Variants in SLC39A11 observed in about 807,000 individuals in gnomAD.
The protein encoded by SLC39A11 is zinc transporter ZIP11.
In SLC39A11, 33 loss-of-function variants were observed where a neutral mutation model predicts 36.1. The ratio of observed to expected loss-of-function variants is 0.91; its 90% CI spans 0.69 to 1.22. The LOEUF (loss-of-function observed/expected upper bound fraction) is 1.22, where lower values mean the gene tolerates loss of function less well. SLC39A11 is among the 50% of genes most tolerant of loss of function. SLC39A11 has a pLI of 0.00. For missense variants in SLC39A11, 432 were observed against 430.3 expected, an observed-to-expected ratio of 1.00 and a Z score of -0.03; for synonymous variants, 166 against 170.3, an observed-to-expected ratio of 0.97 and a Z score of 0.20.
At chr17:72,939,144 T>C (rs1342434712) in intron 5 of SLC39A11, among the ~76,000 whole-genome samples, 6 of 152,128 alleles carry the variant, frequency 3.9e-5, no homozygotes, top group Non-Finnish European at 8.8e-5. Context: ...CCAAAATTCA[T>C]GTCTAGCCAG....
At chr17:73,023,817 G>T (rs1020558108) in intron 4 of SLC39A11, among the ~76,000 whole-genome samples, 1 of 152,150 alleles carries the variant, frequency 6.6e-6, no homozygotes, top group Non-Finnish European at 1.5e-5. Flanking sequence ...GGTGGGCCTT[G>T]GTCCAATGTG....
chr17:72,955,396 G>A (rs1013797351), intron 4 of SLC39A11, among the ~76,000 whole-genome samples: 17 of 143,758 alleles, frequency 1.2e-4, no homozygotes, highest in African/African-American at 3.9e-4. Flanking sequence ...TCTGTCTCAC[G>A]GGTTCAAGCA....
intron 3 of SLC39A11, among the ~76,000 whole-genome samples, chr17:73,042,625 A>G (rs2059147545): frequency 6.6e-6 from 1 of 152,052 alleles, no homozygotes. Context: ...ACGTGGTGAA[A>G]CCCCATCTCT....
intron 5 of SLC39A11, among the ~76,000 whole-genome samples, chr17:72,868,118 A>T (rs1329111959): frequency 6.6e-6 from 1 of 152,232 alleles, no homozygotes; most frequent in Non-Finnish European, 1.5e-5. Flanking sequence ...CAATTCATGA[A>T]TCGTTCGCTG....
At chr17:72,897,594 G>C (rs77977193) in intron 5 of SLC39A11, among the ~76,000 whole-genome samples, 2 of 152,200 alleles carry the variant, frequency 1.3e-5, no homozygotes, top group Admixed American at 6.5e-5. Context: ...GGGATGAGCT[G>C]AGTTTGAAGA....
At chr17:72,687,318 C>T (rs985681108) in intron 7 of SLC39A11, among the ~76,000 whole-genome samples, 7 of 152,028 alleles carry the variant, frequency 4.6e-5, no homozygotes, top group Non-Finnish European at 1.0e-4. Context: ...TGCGATGGTG[C>T]GATCTCGGCT....
At chr17:73,040,390 G>A (rs2143464295) in intron 3 of SLC39A11, among the ~76,000 whole-genome samples, 1 of 152,308 alleles carries the variant, frequency 6.6e-6, no homozygotes, top group South Asian at 2.1e-4. Flanking sequence ...TCCCTCTGCT[G>A]TAAATTACAC....
intron 5 of SLC39A11, among the ~76,000 whole-genome samples, chr17:72,850,964 GT>G (rs1236446189): frequency 6.6e-5 from 10 of 152,048 alleles, no homozygotes; most frequent in Non-Finnish European, 1.3e-4. Flanking sequence ...CCACTCCAAC[GT>G]GCAAGCTAAA....
chr17:72,793,669 A>G (rs1344444120), intron 6 of SLC39A11, among the ~76,000 whole-genome samples: 2 of 152,168 alleles, frequency 1.3e-5, no homozygotes, highest in African/African-American at 4.8e-5. Context: ...GCCTCAAGCA[A>G]TATTCCTGCC....
chr17:72,716,829 C>T lies in SLC39A11; in HGVS notation c.671+19821G>A, dbSNP rs981793976. The stretch of plus-strand genomic sequence containing the variant: ...ACAAAAAATACAAAAATTAGCTGGG[C>T]GTGGTGGCAGGTGCCTGTAATCCCA... On this transcript the variant is annotated intron_variant, in intron 7 of 9. Coordinates refer to ENST00000255559, the MANE Select transcript of SLC39A11 (RefSeq NM_139177.4). 4.6e-5 allele frequency among the ~76,000 whole-genome samples: 7 copies of T among 151,522 alleles called. No individual in the cohort carries two copies. In the South Asian group the frequency reaches 8.3e-4, roughly 18 times the overall value.
chr17:72,646,325 C>T lies in SLC39A11; in HGVS notation c.*1259G>A, dbSNP rs532506386. The T allele has an allele frequency of 9.2e-5, 14 of 152,642 alleles. No homozygotes were observed. The highest frequency in any genetic ancestry group is 2.0e-4 in the Admixed American group (3 of 15,304). The allele number at this position is 152,642 out of a possible 1,614,324, so 9.5% of individuals were successfully genotyped here. ...TCAGCAGAGCCCACTGAAAGTCTCACGTGTGCCTTTAACCAATGAGGATGG... is the reference window on the plus strand; with the variant it reads ...TCAGCAGAGCCCACTGAAAGTCTCATGTGTGCCTTTAACCAATGAGGATGG... On this transcript the variant is annotated 3_prime_UTR_variant, in exon 10 of 10. Coordinates refer to ENST00000255559, the MANE Select transcript of SLC39A11 (RefSeq NM_139177.4).
chr17:72,830,739 G>A (rs1038110884), intron 6 of SLC39A11, among the ~76,000 whole-genome samples: 2 of 152,102 alleles, frequency 1.3e-5, no homozygotes, highest in African/African-American at 2.4e-5. Context: ...GGGAAGGTAC[G>A]TGGCCCCAAA....
chr17:72,826,963 G>A (rs986727690), intron 6 of SLC39A11, among the ~76,000 whole-genome samples: 2 of 152,204 alleles, frequency 1.3e-5, no homozygotes, highest in African/African-American at 4.8e-5. Flanking sequence ...GGGCAAATAT[G>A]GAGTTACCAA....
chr17:73,054,132 A>G (rs566007917), intron 3 of SLC39A11, among the ~76,000 whole-genome samples: 44 of 152,250 alleles, frequency 2.9e-4, no homozygotes, highest in African/African-American at 9.9e-4. Flanking sequence ...TGGGAGGCCG[A>G]GGTGGGTGGA....
At chr17:72,802,874 G>C (rs910101064) in intron 6 of SLC39A11, among the ~76,000 whole-genome samples, 2 of 152,112 alleles carry the variant, frequency 1.3e-5, no homozygotes, top group African/African-American at 4.8e-5. Flanking sequence ...CAAAACTATG[G>C]AAAGTCCCCA....
chr17:72,952,753 G>A (rs1051855807), intron 4 of SLC39A11, among the ~76,000 whole-genome samples: 6 of 152,160 alleles, frequency 3.9e-5, no homozygotes, highest in African/African-American at 1.4e-4. Context: ...CTGCAAGGTC[G>A]GCAAAGTGCG....
chr17:72,834,409 G>T (rs1025860609), intron 6 of SLC39A11, among the ~76,000 whole-genome samples: 1 of 152,160 alleles, frequency 6.6e-6, no homozygotes, highest in Non-Finnish European at 1.5e-5. Context: ...ATCACCTGAG[G>T]TCATGAGTTT....
At chr17:72,895,134 G>A (rs2081966336) in intron 5 of SLC39A11, among the ~76,000 whole-genome samples, 1 of 152,188 alleles carries the variant, frequency 6.6e-6, no homozygotes, top group Admixed American at 6.5e-5. Context: ...TAGTCGCATT[G>A]GTAGGGATGA....
intron 7 of SLC39A11, among the ~76,000 whole-genome samples, chr17:72,732,742 G>C (rs2074282323): frequency 6.6e-6 from 1 of 152,208 alleles, no homozygotes; most frequent in South Asian, 2.1e-4. Flanking sequence ...GTTAGTGGAA[G>C]AGTTAGGGCT....
Sources: allele counts gnomAD v4.1 joint callset (sites outside exome capture counted in the v4.1 genomes callset), GRCh38; gene constraint gnomAD v4.1.1; transcripts MANE v1.5; gene names NCBI Gene and HGNC (gene_info 2026-07-23, HGNC 2026-07-21).